The following PHB2 variants were observed in gnomAD, a reference collection of about 807,000 sequenced individuals.
PHB2 encodes the protein prohibitin 2.
A neutral mutation model predicts 46.4 loss-of-function variants in PHB2; 22 were observed. The ratio of observed to expected loss-of-function variants is 0.47; its 90% confidence interval spans 0.34 to 0.68. The LOEUF is 0.68. Among genes scored for constraint, PHB2 ranks in the 30% least tolerant of loss-of-function variants. The probability of loss-of-function intolerance (pLI) is 0.01; values close to 1 mark genes in which losing one functional copy is unlikely to be tolerated. For missense variants in PHB2, 305 were observed against 382.8 expected (o/e 0.80, Z 1.70); for synonymous variants, 156 against 150.5 (o/e 1.04, Z -0.27).
intron 4 of PHB2, 82 bp from the exon 5 acceptor site, chr12:6,968,103 C>T (rs2138304542): frequency 7.9e-7 from 1 of 1,265,110 alleles, no homozygotes; most frequent in Non-Finnish European, 1.1e-6. Flanking sequence ...ACCCCTAACC[C>T]TTCACTCTCA....
At chr12:6,968,951 C>T (rs782765757) in intron 3 of PHB2, among the ~76,000 whole-genome samples, 1 of 152,144 alleles carries the variant, frequency 6.6e-6, no homozygotes, top group Non-Finnish European at 1.5e-5. Flanking sequence ...ATTCCCAGGG[C>T]CCAGTCTAGT....
chr12:6,966,338 T>C (rs1341104862), intron 8 of PHB2, 86 bp downstream of exon 8: 10 of 835,120 alleles, frequency 1.2e-5, no homozygotes, highest in Middle Eastern at 2.6e-4. Context: ...GCCATATGAA[T>C]AGCTGTAGCA....
In PHB2 at chr12:6,967,333, G is replaced by A; in HGVS notation, c.712-85C>T. The stretch of plus-strand genomic sequence containing the variant: ...CACTCCCTTGCTCCAGTCCTCCTCT[G>A]GGCTGTCAGATCCAAGGTTGCGCTC... On this transcript the variant is annotated intron_variant, in intron 6 of 9. Coordinates refer to ENST00000535923, the MANE Select transcript of PHB2 (RefSeq NM_001144831.2). The surrounding 1 kb of genome is among the most constrained non-coding windows in gnomAD (Gnocchi z 4.9). The A allele has an allele frequency of 6.2e-7, 1 of 1,611,732 alleles. No individual in the cohort carries two copies. Among genetic ancestry groups the A allele is most frequent in the South Asian group, 1.1e-5 (1 of 90,568 alleles).
Position 6,968,654 on chromosome 12 carries a change from T to C in PHB2, c.293-59A>G, listed in dbSNP as rs1473349426. On this transcript the variant is annotated intron_variant, in intron 3 of 9. Coordinates refer to ENST00000535923, the MANE Select transcript of PHB2 (RefSeq NM_001144831.2). Reference sequence around the variant, plus strand: ...CAAACACCCTTTCCCAAGCATTTTCTCCTTCATGTTCCTCCCTGTATGCCC... The same window carrying C: ...CAAACACCCTTTCCCAAGCATTTTCCCCTTCATGTTCCTCCCTGTATGCCC... The C allele has an allele frequency of 2.3e-6, 3 of 1,324,214 alleles. No individual in the cohort carries two copies. In the African/African-American group the frequency reaches 4.3e-5, roughly 19 times the overall value. The allele number at this position is 1,324,214 out of a possible 1,614,324, so 82.0% of individuals were successfully genotyped here.
At position 6,968,202 on chromosome 12, in the gene PHB2, G is replaced by A. The variant is rs1304342662; in HGVS notation, c.478-181C>T. ...AGAGGTGCAGGAAAAGCCAAGACTT[G>A]GCCATTTTCCTCTGTGCTTCCTAAC... is the stretch of plus-strand genomic sequence containing the variant. On this transcript the variant is annotated intron_variant, in intron 4 of 9. Transcript: ENST00000535923. Among the ~76,000 whole-genome samples the A allele has an allele frequency of 7.9e-5, 12 of 152,186 alleles. 1 individual carries two copies. The highest frequency in any genetic ancestry group is 5.2e-4 in the Admixed American group (8 of 15,282).
chr12:6,967,326 C>T lies in PHB2; in HGVS notation c.712-78G>A, dbSNP rs1555150951. 2.5e-6 allele frequency: 4 copies of T among 1,611,116 alleles called. No individual in the cohort carries two copies. Among genetic ancestry groups the T allele is most frequent in the Non-Finnish European group, 3.4e-6 (4 of 1,178,118 alleles). Reference sequence around the variant, plus strand: ...CTTACCACACTCCCTTGCTCCAGTCCTCCTCTGGGCTGTCAGATCCAAGGT... The same window carrying T: ...CTTACCACACTCCCTTGCTCCAGTCTTCCTCTGGGCTGTCAGATCCAAGGT... On this transcript the variant is annotated intron_variant, in intron 6 of 9. Transcript: ENST00000535923. The surrounding 1 kb of genome is among the most constrained non-coding windows in gnomAD (Gnocchi z 4.9).
Position 6,965,505 on chromosome 12 carries a change from C to T in PHB2, c.*180G>A, listed in dbSNP as rs1176552330. On this transcript the variant is annotated 3_prime_UTR_variant, in exon 10 of 10. Coordinates refer to ENST00000535923, the MANE Select transcript of PHB2 (RefSeq NM_001144831.2). ...TAACACAGGGAGGAGGAAAGTAATT[C>T]CCCAGAAAAGGGGCTAGTCTTCAGT... is the stretch of plus-strand genomic sequence containing the variant. 1 of 646,608 alleles carries T rather than the reference C, an allele frequency of 1.5e-6. No individual in the cohort carries two copies. The highest frequency in any genetic ancestry group is 1.7e-5 in the South Asian group (1 of 59,212). The allele number at this position is 646,608 out of a possible 1,614,324, so 40.1% of individuals were successfully genotyped here. A position where few individuals can be genotyped will look rare whatever the true frequency, so the allele number is the denominator to read the frequency against.
chr12:6,970,490 G>T lies in PHB2; in HGVS notation c.54C>A (p.Gly18=). 2 of 1,605,342 alleles carry T rather than the reference G, an allele frequency of 1.2e-6. No individual in the cohort carries two copies. Among genetic ancestry groups the T allele is most frequent in the Non-Finnish European group, 1.7e-6 (2 of 1,178,626 alleles). Residue 18 remains glycine, a synonymous_variant, in exon 1 of 10, where the codon GGC becomes GGA. Coordinates refer to ENST00000535923, the MANE Select transcript of PHB2 (RefSeq NM_001144831.2). ...GCAACAGCTTCAGGGCCGTGCCCAT[G>T]CCCCGGGGCCCGGCGGGCAGCCGTC... is the stretch of plus-strand genomic sequence containing the variant. The part of the protein sequence containing the change: ...LAGRLPAGPR[G]MGTALKLLLG...
At chr12:6,970,149 G>C (rs1555151790) in intron 2 of PHB2, 47 bp downstream of exon 2, 1 of 1,383,812 alleles carries the variant, frequency 7.2e-7, no homozygotes, top group Non-Finnish European at 1.0e-6. Flanking sequence ...TGCTGGGTCG[G>C]CGTCAAGGGT....
At position 6,965,649 on chromosome 12, in the gene PHB2, C is replaced by T. The variant is rs782502239; in HGVS notation, c.*36G>A. ...TCCTCAAAAACTGGAGAAGCAGATC[C>T]ACTTCCTCTGGGGGTGGAGTTCTTG... On this transcript the variant is annotated 3_prime_UTR_variant, in exon 10 of 10. Coordinates refer to ENST00000535923, the MANE Select transcript of PHB2 (RefSeq NM_001144831.2). 3.1e-6 allele frequency: 5 copies of T among 1,594,526 alleles called. No homozygotes were observed. Among genetic ancestry groups the T allele is most frequent in the African/African-American group, 2.7e-5 (2 of 74,636 alleles).
In PHB2 at chr12:6,966,498, G is replaced by T; in HGVS notation, c.792C>A (p.Ile264=). The change falls in exon 8 of 10, where the codon ATC becomes ATA. Residue 264 remains isoleucine (I), a splice_region_variant and synonymous_variant. Coordinates refer to ENST00000535923, the MANE Select transcript of PHB2 (RefSeq NM_001144831.2). ...GATAGATACGATTCTGTGATGTGGC[G>T]ATCTACAGGGCAGGAAATAAGACAG... ...IRAAQNISKT[I]ATSQNRIYLT... 6.3e-7 allele frequency: 1 copy of T among 1,598,390 alleles called. No individual in the cohort carries two copies. Among genetic ancestry groups the T allele is most frequent in the South Asian group, 1.1e-5 (1 of 90,760 alleles).
In PHB2 at chr12:6,970,632, C is replaced by T. The variant is rs1946308697; in HGVS notation, c.-89G>A. 1 of 1,426,034 alleles carries T rather than the reference C, an allele frequency of 7.0e-7. No individual in the cohort carries two copies. Among genetic ancestry groups the T allele is most frequent in the African/African-American group, 1.4e-5 (1 of 70,078 alleles). 88.3% of individuals were successfully genotyped at this position (1,426,034 alleles called of 1,614,324 possible). A position where few individuals can be genotyped will look rare whatever the true frequency, so the allele number is the denominator to read the frequency against. ...TCCGGCTTAGGTACTGCACCCTTCA[C>T]ACGAGGGTTCGGGCCCGTAAGGCTG... On this transcript the variant is annotated 5_prime_UTR_variant, in exon 1 of 10. The change creates a new upstream start codon in the 5' untranslated region. Transcript: ENST00000535923.
chr12:6,968,782 T>C, intron 3 of PHB2, 187 bp from the exon 4 acceptor site: 1 of 628,022 alleles, frequency 1.6e-6, no homozygotes. Flanking sequence ...CCTCACCCAC[T>C]GTGAAGCCTT....
chr12:6,970,458 G>C lies in PHB2; in HGVS notation c.86C>G (p.Ala29Gly). ...MGTALKLLLG[A>G]GAVAYGVRES... ...GCGCACACCGTAGGCCACGGCGCCG[G>C]CCCCCAGCAACAGCTTCAGGGCCGT... The change falls in exon 1 of 10, where the codon GCC becomes GGC. Residue 29 changes from alanine to glycine, a missense_variant. Physicochemically the swap from Ala to Gly is moderately conservative, Grantham distance 60. Around this residue, in one of 3 missense-constraint regions of PHB2, gnomAD observed 60 missense variants for 61.0 expected, o/e 0.98. Transcript: ENST00000535923. The C allele has an allele frequency of 6.2e-7, 1 of 1,604,776 alleles. No homozygotes were observed. Among genetic ancestry groups the C allele is most frequent in the Non-Finnish European group, 8.5e-7 (1 of 1,179,548 alleles).
chr12:6,970,108 T>G (rs1555151766), intron 2 of PHB2, 88 bp downstream of exon 2: 1 of 979,700 alleles, frequency 1.0e-6, no homozygotes, highest in African/African-American at 1.6e-5. Context: ...AGAGCAGCGT[T>G]GAATCCTGTT....
At position 6,965,674 on chromosome 12, in the gene PHB2, G is replaced by C. The variant is rs1555150655; in HGVS notation, c.*11C>G. The C allele has an allele frequency of 3.7e-6, 6 of 1,610,664 alleles. No individual in the cohort carries two copies. The highest frequency in any genetic ancestry group is 5.1e-6 in the Non-Finnish European group (6 of 1,177,662). On this transcript the variant is annotated 3_prime_UTR_variant, in exon 10 of 10. Transcript: ENST00000535923. ...CACTTCCTCTGGGGGTGGAGTTCTTGGTGACTAGGCTCATTTCTTACCCTT... is the reference window on the plus strand; with the variant it reads ...CACTTCCTCTGGGGGTGGAGTTCTTCGTGACTAGGCTCATTTCTTACCCTT...
At chr12:6,966,039 G>T in intron 8 of PHB2, 123 bp from the exon 9 acceptor site, 2 of 1,048,092 alleles carry the variant, frequency 1.9e-6, no homozygotes, top group Non-Finnish European at 2.9e-6. Context: ...GATAAACAGG[G>T]TTGACAGCCA....
Position 6,967,560 on chromosome 12 carries a change from A to AG in PHB2, c.711+115dup. On this transcript the variant is annotated intron_variant, in intron 6 of 9. Coordinates refer to ENST00000535923, the MANE Select transcript of PHB2 (RefSeq NM_001144831.2). The surrounding 1 kb of genome is among the most constrained non-coding windows in gnomAD (Gnocchi z 4.9). ...AGTCCCCACCCCCAACAAGGAGCCA[A>AG]GGGCCAGAGAGCACGGAGTCGCATT... 1.0e-6 allele frequency: 1 copy of AG among 976,232 alleles called. No individual in the cohort carries two copies. Among genetic ancestry groups the AG allele is most frequent in the East Asian group, 2.4e-5 (1 of 42,090 alleles). 60.5% of individuals were successfully genotyped at this position (976,232 alleles called of 1,614,324 possible).
At chr12:6,966,328 G>C (rs782235421) in intron 8 of PHB2, 96 bp downstream of exon 8, 1 of 800,090 alleles carries the variant, frequency 1.2e-6, no homozygotes, top group South Asian at 1.4e-5. Context: ...ATGTCTCTGA[G>C]CCATATGAAT....
Sources: allele counts gnomAD v4.1 joint callset (sites outside exome capture counted in the v4.1 genomes callset), GRCh38; gene constraint gnomAD v4.1.1; regional missense constraint gnomAD v4.1.1; non-coding constraint Gnocchi (gnomAD v3.1); transcripts MANE v1.5; gene names NCBI Gene and HGNC (gene_info 2026-07-23, HGNC 2026-07-21).